The following MDGA2 variants were observed in gnomAD, a reference collection of about 807,000 sequenced individuals.
MDGA2 encodes MAM domain-containing glycosylphosphatidylinositol anchor protein 2.
In MDGA2, 40 loss-of-function variants were observed where a neutral mutation model predicts 117.8. The ratio of observed to expected loss-of-function variants is 0.34; its 90% confidence interval spans 0.26 to 0.44. The LOEUF (loss-of-function observed/expected upper bound fraction) is 0.44, where lower values mean the gene tolerates loss of function less well. MDGA2 is among the 20% of genes least tolerant of loss of function. The pLI is 1.00. For missense variants in MDGA2, 1,123 were observed against 1,250.6 expected, an observed-to-expected ratio of 0.90 and a Z score of 1.54; for synonymous variants, 452 against 439.0, an observed-to-expected ratio of 1.03 and a Z score of -0.37.
At position 47,347,245 on chromosome 14, in the gene MDGA2, G is replaced by A. The variant is rs190031271; in HGVS notation, c.281-45695C>T. 9.1e-4 allele frequency among the ~76,000 whole-genome samples: 138 copies of A among 152,266 alleles called. 1 individual carries two copies. The highest frequency in any genetic ancestry group is 3.2e-3 in the African/African-American group (134 of 41,560). On this transcript the variant is annotated intron_variant, in intron 1 of 16. Coordinates refer to ENST00000399232, the MANE Select transcript of MDGA2 (RefSeq NM_001113498.3). The stretch of plus-strand genomic sequence containing the variant: ...AAAGTCATTCTAAAAGCAATCACAC[G>A]TAACGGTTTCAATAGGGAAGAACGT...
chr14:47,385,719 A>G (rs890567088), intron 1 of MDGA2, among the ~76,000 whole-genome samples: 4 of 152,160 alleles, frequency 2.6e-5, no homozygotes, highest in African/African-American at 7.2e-5. Flanking sequence ...GAAGTCACAC[A>G]TTTGCTCTCT....
intron 1 of MDGA2, among the ~76,000 whole-genome samples, chr14:47,530,410 T>G (rs1393774108): frequency 6.6e-6 from 1 of 152,228 alleles, no homozygotes; most frequent in Non-Finnish European, 1.5e-5. Flanking sequence ...ATGGAAAGTC[T>G]GTTTCTGTTT....
intron 7 of MDGA2, among the ~76,000 whole-genome samples, chr14:47,054,418 C>G (rs541485485): frequency 6.6e-6 from 1 of 150,804 alleles, no homozygotes; most frequent in South Asian, 2.1e-4. Flanking sequence ...GTGTGCTGCA[C>G]CCATTAACTC....
chr14:47,276,899 T>G (rs1488507601), intron 2 of MDGA2, among the ~76,000 whole-genome samples: 1 of 152,196 alleles, frequency 6.6e-6, no homozygotes, highest in Non-Finnish European at 1.5e-5. Flanking sequence ...CATTCATTTC[T>G]CTTACAAATA....
intron 1 of MDGA2, among the ~76,000 whole-genome samples, chr14:47,364,871 G>A (rs1035952499): frequency 6.6e-6 from 1 of 152,146 alleles, no homozygotes; most frequent in Non-Finnish European, 1.5e-5. Context: ...AACAACATGA[G>A]GAGAGTTGCC....
chr14:47,319,737 C>G (rs1183316677), intron 1 of MDGA2, among the ~76,000 whole-genome samples: 6 of 152,140 alleles, frequency 3.9e-5, no homozygotes, highest in Admixed American at 1.3e-4. Context: ...ATAGGAGAAA[C>G]ATACTTTAAA....
chr14:47,286,776 C>A (rs111931641), intron 2 of MDGA2, among the ~76,000 whole-genome samples: 13,652 of 136,726 alleles, frequency 0.1, 818 homozygotes, highest in Non-Finnish European at 0.11. Flanking sequence ...ACAACAGCCA[C>A]AAACCAGGAC....
chr14:47,463,822 T>C (rs919981908), intron 1 of MDGA2, among the ~76,000 whole-genome samples: 13 of 152,282 alleles, frequency 8.5e-5, no homozygotes, highest in Admixed American at 7.2e-4. Flanking sequence ...ATTGTTTTGA[T>C]TGCTTTCCTA....
chr14:47,607,198 C>T (rs558882058), intron 1 of MDGA2, among the ~76,000 whole-genome samples: 94 of 152,186 alleles, frequency 6.2e-4, no homozygotes, highest in Non-Finnish European at 1.3e-3. Context: ...ACATTCATCT[C>T]CAGATATGTG....
intron 3 of MDGA2, among the ~76,000 whole-genome samples, chr14:47,168,675 G>T (rs189659853): frequency 2.6e-5 from 4 of 152,206 alleles, no homozygotes; most frequent in African/African-American, 7.2e-5. Context: ...CTAAGTTTTA[G>T]ATTCTGATAG....
At chr14:47,243,615 C>G (rs988145525) in intron 2 of MDGA2, among the ~76,000 whole-genome samples, 1 of 151,356 alleles carries the variant, frequency 6.6e-6, no homozygotes, top group East Asian at 1.9e-4. Context: ...ACACTCACCA[C>G]GAAGGTCTGC....
intron 4 of MDGA2, among the ~76,000 whole-genome samples, chr14:47,140,369 A>G (rs895322825): frequency 3.6e-4 from 55 of 152,128 alleles, no homozygotes; most frequent in Admixed American, 1.4e-3. Flanking sequence ...GATCCCAAAC[A>G]GCCAAAGCAA....
chr14:47,659,770 C>T (rs531712628), intron 1 of MDGA2, among the ~76,000 whole-genome samples: 2 of 152,078 alleles, frequency 1.3e-5, no homozygotes, highest in Admixed American at 1.3e-4. Context: ...TAAGTACTCC[C>T]AAATATAGAA....
intron 1 of MDGA2, among the ~76,000 whole-genome samples, chr14:47,618,067 T>A (rs1019940858): frequency 2.0e-5 from 3 of 152,138 alleles, no homozygotes; most frequent in Non-Finnish European, 2.9e-5. Flanking sequence ...GGGGTGAAAA[T>A]GGCAAAACTC....
rs980245255 is a variant in MDGA2, at chr14:47,465,197, CTT to C, written c.281-163649_281-163648del. Reference sequence around the variant, plus strand: ...AAATTAAATAAAGAGGGATTAAAGACTTAAGGGTAAAACCCTAAACTCACAAA... The same window carrying C: ...AAATTAAATAAAGAGGGATTAAAGACAAGGGTAAAACCCTAAACTCACAAA... On this transcript the variant is annotated intron_variant, in intron 1 of 16. Transcript: ENST00000399232. 9.9e-5 allele frequency among the ~76,000 whole-genome samples: 15 copies of C among 152,258 alleles called. 1 individual carries two copies. Among genetic ancestry groups the C allele is most frequent in the African/African-American group, 3.4e-4 (14 of 41,556 alleles).
intron 1 of MDGA2, among the ~76,000 whole-genome samples, chr14:47,538,159 G>A (rs17118894): frequency 2.6e-5 from 4 of 152,072 alleles, no homozygotes; most frequent in East Asian, 3.9e-4. Context: ...ATGATGTTTC[G>A]AATCTGTGCT....
In MDGA2 at chr14:47,203,190, T is replaced by C. The variant is rs1003429578; in HGVS notation, c.595+14831A>G. ...GTAGAAGCATTTCATTAATCTAATATTTGGCACTAGTTTCCCCAAAGAGAT... is the reference window on the plus strand; with the variant it reads ...GTAGAAGCATTTCATTAATCTAATACTTGGCACTAGTTTCCCCAAAGAGAT... On this transcript the variant is annotated intron_variant, in intron 3 of 16. Transcript: ENST00000399232. 3.9e-5 allele frequency among the ~76,000 whole-genome samples: 6 copies of C among 151,960 alleles called. 1 individual carries two copies. Among genetic ancestry groups the C allele is most frequent in the Non-Finnish European group, 8.8e-5 (6 of 67,918 alleles).
At chr14:47,316,364 A>T (rs1889810211) in intron 1 of MDGA2, among the ~76,000 whole-genome samples, 1 of 152,150 alleles carries the variant, frequency 6.6e-6, no homozygotes, top group Non-Finnish European at 1.5e-5. Flanking sequence ...TTGTAAAAAT[A>T]AACCGCAACT....
rs373232931 is a variant in MDGA2 at position 47,174,976 on chromosome 14, A to G, written c.596-30702T>C. Among the ~76,000 whole-genome samples the G allele has an allele frequency of 6.0e-4, 91 of 152,164 alleles. No homozygotes were observed. In the East Asian group the frequency reaches 7.3e-3, roughly 12 times the overall value. On this transcript the variant is annotated intron_variant, in intron 3 of 16. Coordinates refer to ENST00000399232, the MANE Select transcript of MDGA2 (RefSeq NM_001113498.3). ...AAATGATAAAGGGGATATCACCACC[A>G]ATCCCACAGAAATACAAACTACCAT... is the stretch of plus-strand genomic sequence containing the variant.
Sources: allele counts gnomAD v4.1 joint callset (sites outside exome capture counted in the v4.1 genomes callset), GRCh38; gene constraint gnomAD v4.1.1; transcripts MANE v1.5; gene names NCBI Gene and HGNC (gene_info 2026-07-23, HGNC 2026-07-21).